CLEC4M: variants seen among roughly 807,000 people sequenced by gnomAD.
CLEC4M encodes C-type lectin domain family 4 member M, also known as CD209 antigen-like protein 1.
A neutral mutation model predicts 39.1 loss-of-function variants in CLEC4M; 25 were observed. That is an observed-to-expected ratio of 0.64 (90% CI 0.47 to 0.89). The LOEUF is 0.89. CLEC4M is among the 40% of genes least tolerant of loss of function. The pLI, the probability that CLEC4M is intolerant of heterozygous loss-of-function variation, is 0.00. For missense variants in CLEC4M, 353 were observed against 431.4 expected, an observed-to-expected ratio of 0.82 and a Z score of 1.61; for synonymous variants, 155 against 177.4, an observed-to-expected ratio of 0.87 and a Z score of 1.00.
intron 4 of CLEC4M, 83 bp from the exon 5 acceptor site, chr19:7,766,573 T>A: frequency 6.3e-7 from 1 of 1,591,242 alleles, no homozygotes; most frequent in Non-Finnish European, 8.6e-7. Flanking sequence ...AGGGCCCTGA[T>A]TTTCAAGGGC....
In CLEC4M at chr19:7,766,161, G is replaced by A. The variant is rs868878; in HGVS notation, c.738G>A (p.Lys246=). ...AAVGELPDQS[K]QQQIYQELTD... ...TGGGTGAGTTGCCAGACCAGTCCAA[G>A]CAGCAGCAAATCTATCAAGAACTGA... The change falls in exon 4 of 7, where the codon AAG becomes AAA. Residue 246 remains lysine (K), a synonymous_variant. Coordinates refer to ENST00000327325, the MANE Select transcript of CLEC4M (RefSeq NM_014257.5). 181,233 of 1,613,028 alleles carry A rather than the reference G, an allele frequency of 0.11. 11,297 individuals carry two copies. The highest frequency in any genetic ancestry group is 0.13 in the Middle Eastern group (782 of 6,054).
chr19:7,765,406 C>G, intron 3 of CLEC4M, 138 bp downstream of exon 3: 2 of 1,133,378 alleles, frequency 1.8e-6, no homozygotes, highest in Non-Finnish European at 2.5e-6. Flanking sequence ...AGGGGCCTCT[C>G]CCACAGCCCC....
At chr19:7,768,526 A>C (rs554271509) in intron 6 of CLEC4M, 413 of 197,110 alleles carry the variant, frequency 2.1e-3, no homozygotes, top group African/African-American at 8.9e-3. Flanking sequence ...GTGAGCCGCC[A>C]AGATCATGCC....
At chr19:7,765,103 G>T (rs2034190795) in intron 2 of CLEC4M, 82 bp from the exon 3 acceptor site, 1 of 1,477,672 alleles carries the variant, frequency 6.8e-7, no homozygotes, top group Non-Finnish European at 9.4e-7. Context: ...GGGTCCTGGG[G>T]TGCTGAGGGA....
chr19:7,769,219 C>G lies in CLEC4M; in HGVS notation c.*231C>G. 2.2e-6 allele frequency: 1 copy of G among 448,090 alleles called. No individual in the cohort carries two copies. Among genetic ancestry groups the G allele is most frequent in the South Asian group, 2.7e-5 (1 of 36,584 alleles). 27.8% of individuals were successfully genotyped at this position (448,090 alleles called of 1,614,324 possible). On this transcript the variant is annotated 3_prime_UTR_variant, in exon 7 of 7. Transcript: ENST00000327325. Reference sequence around the variant, plus strand: ...CCATCCTTGGAGCTTTATAAGTGACCTGAGTGGGATGCATTTAGGGGGCGG... The same window carrying G: ...CCATCCTTGGAGCTTTATAAGTGACGTGAGTGGGATGCATTTAGGGGGCGG...
At chr19:7,766,551 G>C (rs961223770) in intron 4 of CLEC4M, 105 bp from the exon 5 acceptor site, 82 of 1,570,594 alleles carry the variant, frequency 5.2e-5, no homozygotes, top group Non-Finnish European at 7.0e-5. Context: ...ACCCAACATG[G>C]ACAGTCAAGG....
At position 7,768,836 on chromosome 19, in the gene CLEC4M, A is replaced by C. The variant is rs369548659; in HGVS notation, c.1050-2A>C. 1.1e-5 allele frequency: 17 copies of C among 1,613,638 alleles called. No individual in the cohort carries two copies. The East Asian group carries it at 1.8e-4, about 17-fold the overall frequency. On this transcript the variant is annotated splice_acceptor_variant, in intron 6 of 6. Transcript: ENST00000327325. LOFTEE classifies it high-confidence loss of function. ...GGCTCACATTCTGCATGGGCTTTGC[A>C]GCTTCCAGCGGTACTGGAACAGTGG...
intron 6 of CLEC4M, chr19:7,767,890 A>ACCACCG: frequency 2.9e-6 from 1 of 344,084 alleles, no homozygotes; most frequent in South Asian, 5.4e-5. Context: ...AGGAAGTCTG[A>ACCACCG]AGTCTAGTAA....
At chr19:7,767,892 G>GA in intron 6 of CLEC4M, 2 of 338,702 alleles carry the variant, frequency 5.9e-6, no homozygotes, top group South Asian at 5.7e-5. Context: ...GAAGTCTGAA[G>GA]TCTAGTAAGG....
intron 5 of CLEC4M, chr19:7,767,204 G>C: frequency 2.3e-6 from 1 of 428,560 alleles, no homozygotes; most frequent in South Asian, 2.6e-5. Flanking sequence ...AATTAGTAGT[G>C]GGTCCAATGT....
Position 7,766,900 on chromosome 19 carries a change from C to T in CLEC4M, c.936+93C>T, listed in dbSNP as rs922829693. On this transcript the variant is annotated intron_variant, in intron 5 of 6. Coordinates refer to ENST00000327325, the MANE Select transcript of CLEC4M (RefSeq NM_014257.5). ...CAGAGAGGATTTTGCAGAAGAGGGG[C>T]TTTGCTCTATTTGGAAAGATGGGAA... The T allele has an allele frequency of 1.8e-5, 29 of 1,589,884 alleles. No homozygotes were observed. The South Asian group carries it at 2.4e-4, about 13-fold the overall frequency.
chr19:7,764,517 C>T (rs547104336), intron 2 of CLEC4M, among the ~76,000 whole-genome samples: 1 of 151,900 alleles, frequency 6.6e-6, no homozygotes, highest in Admixed American at 6.6e-5. Flanking sequence ...GAGACAGAGT[C>T]TTGCTCTGTC....
Position 7,765,789 on chromosome 19 carries a change from A to G in CLEC4M, c.366A>G (p.Ala122=), listed in dbSNP as rs750548064. Residue 122 remains alanine (A), a synonymous_variant, in exon 4 of 7, where the codon GCA becomes GCG. Transcript: ENST00000327325. ...IYQELTQLKA[A]VGELPEKSKL... ...AGGAGCTGACCCAGCTGAAGGCTGC[A>G]GTGGGTGAGTTGCCAGAGAAATCCA... 6.2e-7 allele frequency: 1 copy of G among 1,612,656 alleles called. No individual in the cohort carries two copies. The highest frequency in any genetic ancestry group is 8.5e-7 in the Non-Finnish European group (1 of 1,179,028).
chr19:7,767,321 C>T (rs528200739), intron 5 of CLEC4M, 195 bp from the exon 6 acceptor site: 29 of 567,784 alleles, frequency 5.1e-5, no homozygotes, highest in Admixed American at 2.4e-4. Flanking sequence ...GCTGTGCATG[C>T]GTGCCTGCAT....
At chr19:7,765,117 G>C in intron 2 of CLEC4M, 68 bp from the exon 3 acceptor site, 2 of 1,555,892 alleles carry the variant, frequency 1.3e-6, no homozygotes, top group Admixed American at 3.3e-5. Flanking sequence ...TGAGGGATTA[G>C]GCCAGGCTCT....
At chr19:7,767,474 T>C in intron 5 of CLEC4M, 42 bp from the exon 6 acceptor site, 2 of 1,483,892 alleles carry the variant, frequency 1.3e-6, no homozygotes, top group Non-Finnish European at 1.9e-6. Flanking sequence ...ACCTGGAAAA[T>C]GGGAAGCAGA....
intron 4 of CLEC4M, 128 bp downstream of exon 4, chr19:7,766,335 C>G (rs1374213378): frequency 2.0e-6 from 3 of 1,503,358 alleles, no homozygotes; most frequent in Non-Finnish European, 2.7e-6. Context: ...GGGGTAACTG[C>G]GATCATTGCA....
chr19:7,767,316 G>T (rs952437568), intron 5 of CLEC4M, 200 bp from the exon 6 acceptor site: 4 of 565,938 alleles, frequency 7.1e-6, no homozygotes, highest in Non-Finnish European at 1.3e-5. Context: ...GGCCAGCTGT[G>T]CATGCGTGCC....
intron 5 of CLEC4M, 51 bp from the exon 6 acceptor site, chr19:7,767,465 C>T: frequency 7.0e-7 from 1 of 1,422,986 alleles, no homozygotes; most frequent in Non-Finnish European, 9.9e-7. Flanking sequence ...GGAGGTGGAA[C>T]CTGGAAAATG....
Sources: allele counts gnomAD v4.1 joint callset (sites outside exome capture counted in the v4.1 genomes callset), GRCh38; gene constraint gnomAD v4.1.1; transcripts MANE v1.5; gene names NCBI Gene and HGNC (gene_info 2026-07-23, HGNC 2026-07-21).